Variants in NPHS2 observed in about 807,000 individuals in gnomAD.
The protein encoded by NPHS2 is NPHS2 stomatin family member, podocin.
A neutral mutation model predicts 37.1 loss-of-function variants in NPHS2; 36 were observed. That is an observed-to-expected ratio of 0.97 (90% confidence interval 0.74 to 1.28). The LOEUF (loss-of-function observed/expected upper bound fraction) is 1.28. Among genes scored for constraint, NPHS2 ranks in the 50% most tolerant of loss-of-function variants. The pLI is 0.00. For synonymous variants in NPHS2, 196 were observed against 189.3 expected (o/e 1.04, Z -0.29); for missense variants, 447 against 488.1 (o/e 0.92, Z 0.79).
intron 4 of NPHS2, among the ~76,000 whole-genome samples, chr1:179,557,631 C>A (rs778114162): frequency 3.9e-5 from 6 of 152,040 alleles, no homozygotes; most frequent in South Asian, 4.1e-4. Context: ...ACATCATAAG[C>A]CCTAGAAAGA....
At chr1:179,552,420 G>T (rs1673422844) in intron 7 of NPHS2, 183 bp downstream of exon 7, 1 of 639,486 alleles carries the variant, frequency 1.6e-6, no homozygotes, top group East Asian at 2.8e-5. Flanking sequence ...GAGAGGGAGA[G>T]GAGTTGCATT....
chr1:179,564,164 C>G (rs1674249394), intron 2 of NPHS2, among the ~76,000 whole-genome samples: 1 of 152,206 alleles, frequency 6.6e-6, no homozygotes, highest in Non-Finnish European at 1.5e-5. Flanking sequence ...CTCTTGTTTT[C>G]TTTCCCGTTA....
intron 1 of NPHS2, among the ~76,000 whole-genome samples, chr1:179,571,084 CTCCA>C (rs2101880860): frequency 1.3e-5 from 2 of 152,336 alleles, no homozygotes; most frequent in Admixed American, 1.3e-4. Context: ...CAAAGTCATT[CTCCA>C]TCCAGCTTTG....
intron 3 of NPHS2, 116 bp downstream of exon 3, chr1:179,561,173 A>T (rs1269574117): frequency 2.0e-5 from 16 of 808,976 alleles, no homozygotes; most frequent in Non-Finnish European, 3.4e-5. Context: ...GAAAATTCAG[A>T]TATCATGAAT....
At chr1:179,559,610 A>G (rs1674059165) in intron 4 of NPHS2, 69 bp downstream of exon 4, 1 of 1,009,136 alleles carries the variant, frequency 9.9e-7, no homozygotes, top group African/African-American at 1.6e-5. Context: ...AGTATAAATA[A>G]TCATTTTGTC....
In NPHS2 at chr1:179,575,453, C is replaced by T. The variant is rs78169951; in HGVS notation, c.274+138G>A. 1,422 of 1,205,462 alleles carry T rather than the reference C, an allele frequency of 1.2e-3. 12 individuals carry two copies. In the African/African-American group the frequency reaches 0.019, roughly 16 times the overall value. The allele number at this position is 1,205,462 out of a possible 1,614,324, so 74.7% of individuals were successfully genotyped here. On this transcript the variant is annotated intron_variant, in intron 1 of 7. Transcript: ENST00000367615. ...GGTTGCTGGGTTCCTAACTTACGCC[C>T]TTCCGTTCCTGGGAACCTGAGCATC...
Position 179,562,404 on chromosome 1 carries a change from T to A in NPHS2, c.379-1043A>T, listed in dbSNP as rs964306076. Among the ~76,000 whole-genome samples, 5 of 152,236 alleles carry A rather than the reference T, an allele frequency of 3.3e-5. No individual in the cohort carries two copies. In the East Asian group the frequency reaches 7.7e-4, roughly 23 times the overall value. ...CTTGATGATACGGAATTAATCTTTT[T>A]TTTCTCAGTGCTTAAAAAATGCCTG... On this transcript the variant is annotated intron_variant, in intron 2 of 7. Transcript: ENST00000367615.
chr1:179,568,092 C>G (rs1172524907), intron 1 of NPHS2, among the ~76,000 whole-genome samples: 3 of 152,188 alleles, frequency 2.0e-5, no homozygotes, highest in African/African-American at 7.2e-5. Context: ...AGGATTCCCT[C>G]TTTTTCTATT....
Position 179,556,666 on chromosome 1 carries a change from C to G in NPHS2, c.738+361G>C, listed in dbSNP as rs1217227462. Reference sequence around the variant, plus strand: ...GTTTCCCCAGGTAGACAGTAAGCTCCTGGGAACCATGCTTTATCATCTTTG... The same window carrying G: ...GTTTCCCCAGGTAGACAGTAAGCTCGTGGGAACCATGCTTTATCATCTTTG... On this transcript the variant is annotated intron_variant, in intron 5 of 7. Coordinates refer to ENST00000367615, the MANE Select transcript of NPHS2 (RefSeq NM_014625.4). The surrounding 1 kb of genome is among the most constrained non-coding windows in gnomAD (Gnocchi z 4.1). Among the ~76,000 whole-genome samples the G allele has an allele frequency of 6.6e-6, 1 of 152,120 alleles. No homozygotes were observed. The highest frequency in any genetic ancestry group is 1.5e-5 in the Non-Finnish European group (1 of 68,014).
intron 7 of NPHS2, chr1:179,551,922 G>T: frequency 5.5e-6 from 1 of 182,784 alleles, no homozygotes; most frequent in Non-Finnish European, 1.2e-5. Context: ...ACTGCCCTGG[G>T]GACTATCCTC....
At position 179,551,460 on chromosome 1, in the gene NPHS2, C is replaced by T. The variant is rs761497202; in HGVS notation, c.874-9G>A. 5.0e-6 allele frequency: 8 copies of T among 1,612,634 alleles called. No individual in the cohort carries two copies. The African/African-American group carries it at 6.7e-5, about 13-fold the overall frequency. On this transcript the variant is annotated splice_polypyrimidine_tract_variant and intron_variant, in intron 7 of 7. Transcript: ENST00000367615. ...GCTTCTGCAGCAATCATCTAGAAAA[C>T]ATGTGACGAAAGCAAAGTGATTGTT...
intron 7 of NPHS2, chr1:179,551,791 G>GT (rs1558337688): frequency 3.3e-6 from 1 of 303,840 alleles, no homozygotes; most frequent in East Asian, 7.7e-5. Flanking sequence ...GTTATGAAAG[G>GT]GTGACCCCCA....
In NPHS2 at chr1:179,564,723, CATGATGATGAAGAGCAGGGAA is replaced by C. The variant is rs774725047; in HGVS notation, c.324_344del (p.Ile108_Ile114del). On this transcript the variant is annotated inframe_deletion, in exon 2 of 8. Coordinates refer to ENST00000367615, the MANE Select transcript of NPHS2 (RefSeq NM_014625.4). ...AGAACCAGATGGAAAAAGGGAAGGT[CATGATGATGAAGAGCAGGGAA>C]ATGAGGACAAGAAGCCACTCACAGG... 2 of 1,614,026 alleles carry C rather than the reference CATGATGATGAAGAGCAGGGAA, an allele frequency of 1.2e-6. No homozygotes were observed. The highest frequency in any genetic ancestry group is 2.7e-5 in the African/African-American group (2 of 75,000).
chr1:179,567,566 G>A (rs570481336), intron 1 of NPHS2, among the ~76,000 whole-genome samples: 1 of 151,918 alleles, frequency 6.6e-6, no homozygotes, highest in African/African-American at 2.4e-5. Flanking sequence ...ATTTCTTTCT[G>A]TTGCCTGATT....
chr1:179,561,397 G>T (rs778895897), intron 2 of NPHS2, 36 bp from the exon 3 acceptor site: 1 of 1,506,470 alleles, frequency 6.6e-7, no homozygotes, highest in East Asian at 2.3e-5. Flanking sequence ...ATCACTCCCA[G>T]AAAGAAAAAG....
intron 5 of NPHS2, among the ~76,000 whole-genome samples, chr1:179,555,455 G>A (rs773720194): frequency 1.3e-5 from 2 of 152,064 alleles, no homozygotes; most frequent in Non-Finnish European, 2.9e-5. Context: ...AGGAGGGGCA[G>A]GGCATGGAGC....
chr1:179,573,397 A>C (rs1674637580), intron 1 of NPHS2, among the ~76,000 whole-genome samples: 1 of 152,194 alleles, frequency 6.6e-6, no homozygotes, highest in Non-Finnish European at 1.5e-5. Flanking sequence ...GAGTTTAGAG[A>C]ATACTAGGCA....
chr1:179,554,497 A>G lies in NPHS2; in HGVS notation c.773T>C (p.Ile258Thr), dbSNP rs1673788585. ...ALDSVTCIWGIKVERIEIKDV... is the reference protein window; with the variant it reads ...ALDSVTCIWGTKVERIEIKDV... ...CCACATTTCTATTCTCTCCACTTTG[A>G]TTCCCCAAATACAGGTCACTGAATC... Residue 258 changes from isoleucine (I) to threonine (T), a missense_variant, in exon 6 of 8, where the codon ATC becomes ACC. Transcript: ENST00000367615. The G allele has an allele frequency of 6.2e-7, 1 of 1,614,030 alleles. No homozygotes were observed. Among genetic ancestry groups the G allele is most frequent in the African/African-American group, 1.3e-5 (1 of 74,916 alleles).
At chr1:179,554,238 T>G (rs966965772) in intron 6 of NPHS2, among the ~76,000 whole-genome samples, 2 of 152,142 alleles carry the variant, frequency 1.3e-5, no homozygotes, top group African/African-American at 4.8e-5. Context: ...TCATGTAAAT[T>G]TTATCTAAAA....
Sources: allele counts gnomAD v4.1 joint callset (sites outside exome capture counted in the v4.1 genomes callset), GRCh38; gene constraint gnomAD v4.1.1; non-coding constraint Gnocchi (gnomAD v3.1); transcripts MANE v1.5; gene names NCBI Gene and HGNC (gene_info 2026-07-23, HGNC 2026-07-21).